Variants in USP22 observed in about 807,000 individuals in gnomAD.
USP22 encodes the protein ubiquitin carboxyl-terminal hydrolase 22.
A neutral mutation model predicts 68.1 loss-of-function variants in USP22; 22 were observed. That is an observed-to-expected ratio of 0.32 (90% CI 0.23 to 0.46). The LOEUF is 0.46. Among genes scored for constraint, USP22 ranks in the 20% least tolerant of loss-of-function variants. USP22 has a pLI of 1.00. For synonymous variants in USP22, 279 were observed against 274.2 expected (o/e 1.02, Z -0.17); for missense variants, 433 against 695.8 (o/e 0.62, Z 4.25).
intron 1 of USP22, among the ~76,000 whole-genome samples, chr17:21,031,179 G>A (rs1972286072): frequency 3.3e-5 from 5 of 152,170 alleles, no homozygotes; most frequent in Admixed American, 3.3e-4. Context: ...ACAGCCTAAC[G>A]CTTCAATTCA....
chr17:21,040,820 C>G (rs1972418906), intron 1 of USP22, among the ~76,000 whole-genome samples: 1 of 151,746 alleles, frequency 6.6e-6, no homozygotes, highest in South Asian at 2.1e-4. Flanking sequence ...CGTCCCAATC[C>G]GGACACTACT....
rs959034085 is a variant in USP22, at chr17:21,002,690, G to A, written c.*341C>T. 3.1e-6 allele frequency: 1 copy of A among 319,678 alleles called. No individual in the cohort carries two copies. The highest frequency in any genetic ancestry group is 1.1e-3 in the Middle Eastern group (1 of 916). 19.8% of individuals were successfully genotyped at this position (319,678 alleles called of 1,614,324 possible). A position where few individuals can be genotyped will look rare whatever the true frequency, so the allele number is the denominator to read the frequency against. Reference sequence around the variant, plus strand: ...TAGGGGCCTTTCCACACCGAGTGCTGGGGAACGCCAGGCAGCGGTCACTCT... The same window carrying A: ...TAGGGGCCTTTCCACACCGAGTGCTAGGGAACGCCAGGCAGCGGTCACTCT... On this transcript the variant is annotated 3_prime_UTR_variant, in exon 13 of 13. Transcript: ENST00000261497.
chr17:21,019,869 G>A (rs1209449706), intron 3 of USP22, among the ~76,000 whole-genome samples: 3 of 152,214 alleles, frequency 2.0e-5, no homozygotes, highest in African/African-American at 7.2e-5. Context: ...TCTTAGGCCC[G>A]TGCTTTAAGT....
chr17:21,014,528 A>G (rs1029764658), intron 6 of USP22, among the ~76,000 whole-genome samples: 4 of 152,212 alleles, frequency 2.6e-5, no homozygotes, highest in African/African-American at 9.6e-5. Flanking sequence ...GAAAAAAAGT[A>G]AGTACCAAAA....
intron 2 of USP22, among the ~76,000 whole-genome samples, chr17:21,025,433 C>CA (rs954507243): frequency 9.1e-4 from 138 of 151,894 alleles, no homozygotes; most frequent in African/African-American, 3.2e-3. Flanking sequence ...GGTGCAGCCA[C>CA]AAAAAAAAGA....
intron 12 of USP22, 127 bp downstream of exon 12, chr17:21,004,075 T>C (rs952350212): frequency 2.2e-6 from 3 of 1,339,320 alleles, no homozygotes; most frequent in African/African-American, 1.5e-5. Flanking sequence ...ACAGGCTTCA[T>C]TACTTCGGCA....
In USP22 at chr17:21,002,951, G is replaced by A; in HGVS notation, c.*80C>T. The stretch of plus-strand genomic sequence containing the variant: ...CCGGGGAGGCGGCGGGAGACTTGGG[G>A]GAGGGGGGGGCCAGGGAGGATCACT... On this transcript the variant is annotated 3_prime_UTR_variant, in exon 13 of 13. Transcript: ENST00000261497. 6.4e-7 allele frequency: 1 copy of A among 1,556,026 alleles called. No individual in the cohort carries two copies.
chr17:21,033,787 T>A (rs1415819272), intron 1 of USP22, among the ~76,000 whole-genome samples: 2 of 151,596 alleles, frequency 1.3e-5, no homozygotes, highest in Non-Finnish European at 2.9e-5. Flanking sequence ...TCTTGCTCTG[T>A]CACCAGGCTG....
At position 21,000,597 on chromosome 17, in the gene USP22, G is replaced by A. The variant is rs910559376; in HGVS notation, c.*2434C>T. ...GGGTTGGCCGGCGGGAGGGGAGGCA[G>A]GGTCTGGCCAAACCCAGGCAGCTGC... On this transcript the variant is annotated 3_prime_UTR_variant, in exon 13 of 13. Coordinates refer to ENST00000261497, the MANE Select transcript of USP22 (RefSeq NM_015276.2). 1 of 152,278 alleles carries A rather than the reference G, an allele frequency of 6.6e-6. No homozygotes were observed. The highest frequency in any genetic ancestry group is 1.9e-4 in the East Asian group (1 of 5,186). The allele number at this position is 152,278 out of a possible 1,614,324, so 9.4% of individuals were successfully genotyped here.
intron 1 of USP22, among the ~76,000 whole-genome samples, chr17:21,036,601 GGTAA>G (rs1042246086): frequency 1.3e-5 from 2 of 151,538 alleles, no homozygotes; most frequent in Non-Finnish European, 2.9e-5. Context: ...AAGCACAACA[GGTAA>G]GTAAGTAGAT....
chr17:21,004,788 CA>C lies in USP22; in HGVS notation c.1385+139del. On this transcript the variant is annotated intron_variant, in intron 11 of 12. Coordinates refer to ENST00000261497, the MANE Select transcript of USP22 (RefSeq NM_015276.2). Reference sequence around the variant, plus strand: ...CTTTCCTAGTGGAGCTGCGGGCAGCCAATAGTGGAGCTGCGGGCAGCCAAGC... The same window carrying C: ...CTTTCCTAGTGGAGCTGCGGGCAGCCATAGTGGAGCTGCGGGCAGCCAAGC... 1.1e-4 allele frequency: 10 copies of C among 87,266 alleles called. 3 individuals carry two copies. Among genetic ancestry groups the C allele is most frequent in the Admixed American group, 7.6e-4 (4 of 5,242 alleles). The allele number at this position is 87,266 out of a possible 1,614,324, so 5.4% of individuals were successfully genotyped here. A position where few individuals can be genotyped will look rare whatever the true frequency, so the allele number is the denominator to read the frequency against.
At chr17:21,039,108 T>C (rs993915607) in intron 1 of USP22, among the ~76,000 whole-genome samples, 3 of 151,580 alleles carry the variant, frequency 2.0e-5, no homozygotes, top group African/African-American at 7.3e-5. Flanking sequence ...CGTGCCACCA[T>C]GCCCAGCTAA....
At chr17:21,007,804 G>A (rs1913824462) in intron 9 of USP22, 66 bp downstream of exon 9, 1 of 1,595,890 alleles carries the variant, frequency 6.3e-7, no homozygotes, top group Non-Finnish European at 8.6e-7. Context: ...AAACCAAAAG[G>A]CTGAGGACCG....
At chr17:21,003,623 C>T (rs528059839) in intron 12 of USP22, among the ~76,000 whole-genome samples, 1 of 152,096 alleles carries the variant, frequency 6.6e-6, no homozygotes, top group Non-Finnish European at 1.5e-5. Context: ...TGATGTGGGC[C>T]GGGCCCGGTG....
intron 6 of USP22, 128 bp from the exon 7 acceptor site, chr17:21,013,063 A>C: frequency 1.4e-6 from 1 of 697,616 alleles, no homozygotes; most frequent in Non-Finnish European, 2.4e-6. Flanking sequence ...ATGTGAGGAC[A>C]CTCCTCATTT....
At chr17:21,015,495 C>T (rs1914103168) in intron 6 of USP22, among the ~76,000 whole-genome samples, 1 of 152,132 alleles carries the variant, frequency 6.6e-6, no homozygotes, top group African/African-American at 2.4e-5. Context: ...GTTTGCTGTT[C>T]ACTGTGATCG....
intron 5 of USP22, among the ~76,000 whole-genome samples, chr17:21,016,978 C>A (rs1225465599): frequency 6.6e-6 from 1 of 152,192 alleles, no homozygotes; most frequent in East Asian, 1.9e-4. Flanking sequence ...GTCAGTGATA[C>A]AACCACCCAC....
chr17:21,025,529 C>T (rs1403613578), intron 2 of USP22, among the ~76,000 whole-genome samples: 2 of 152,116 alleles, frequency 1.3e-5, no homozygotes, highest in Non-Finnish European at 2.9e-5. Flanking sequence ...AAAACATGTC[C>T]CCCTAGAATT....
chr17:21,032,853 G>A (rs1259385349), intron 1 of USP22, among the ~76,000 whole-genome samples: 1 of 143,002 alleles, frequency 7.0e-6, no homozygotes. Context: ...AGCCCAGGAG[G>A]TCAAGGCTGC....
Sources: gnomAD v4.1 joint callset for allele counts (sites outside exome capture counted in the v4.1 genomes callset) on GRCh38, gnomAD v4.1.1 for gene constraint, MANE v1.5 for transcripts, NCBI Gene and HGNC (gene_info 2026-07-23, HGNC 2026-07-21) for gene names.